NDP: variants seen among roughly 807,000 people sequenced by gnomAD.
NDP encodes the protein norrin.
NDP carries 2 observed loss-of-function variants against 8.4 expected under a neutral mutation model. That is an observed-to-expected ratio of 0.24 (90% CI 0.10 to 0.75). The LOEUF is 0.75. Among genes scored for constraint, NDP ranks in the 30% least tolerant of loss-of-function variants. The pLI is 0.73. For synonymous variants in NDP, 55 were observed against 45.6 expected, an observed-to-expected ratio of 1.21 and a Z score of -0.83; for missense variants, 81 against 110.1, an observed-to-expected ratio of 0.74 and a Z score of 1.18.
At chrX:43,952,601 G>C (rs764018664) in intron 2 of NDP, among the ~76,000 whole-genome samples, 2 of 111,712 alleles carry the variant, frequency 1.8e-5, no homozygotes, top group African/African-American at 3.3e-5. Flanking sequence ...AGGGCCATTT[G>C]TAAATGAGCT....
At chrX:43,964,718 C>A (rs1181517668) in intron 1 of NDP, among the ~76,000 whole-genome samples, 4 of 111,985 alleles carry the variant, frequency 3.6e-5, no homozygotes, top group African/African-American at 1.3e-4. Flanking sequence ...CTGAGTCCTA[C>A]CCTCCCATCA....
chrX:43,966,197 G>A (rs1309398556), intron 1 of NDP, among the ~76,000 whole-genome samples: 1 of 111,631 alleles, frequency 9.0e-6, no homozygotes, highest in African/African-American at 3.3e-5. Context: ...ACTGAGATGG[G>A]GATGAGCTGT....
intron 2 of NDP, among the ~76,000 whole-genome samples, chrX:43,952,597 A>G (rs1303917455): frequency 8.9e-6 from 1 of 111,749 alleles, no homozygotes; most frequent in Non-Finnish European, 1.9e-5. Flanking sequence ...GCGTAGGGCC[A>G]TTTGTAAATG....
Position 43,949,580 on chromosome X carries a change from G to T in NDP, c.*219C>A. On this transcript the variant is annotated 3_prime_UTR_variant, in exon 3 of 3. Transcript: ENST00000642620. The stretch of plus-strand genomic sequence containing the variant: ...GCCTGAATCTGAAAATGAACCAAAA[G>T]AAATTGTACCAGAGAAAGGAGATGG... 2.3e-6 allele frequency: 1 copy of T among 431,693 alleles called. No homozygotes were observed. The highest frequency in any genetic ancestry group is 3.8e-5 in the East Asian group (1 of 26,055). The allele number at this position is 431,693 out of a possible 1,213,427, so 35.6% of individuals were successfully genotyped here.
chrX:43,968,547 C>A (rs907044308), intron 1 of NDP, among the ~76,000 whole-genome samples: 1 of 112,509 alleles, frequency 8.9e-6, no homozygotes, highest in African/African-American at 3.2e-5. Context: ...TGAAATTAAA[C>A]ACAGAAGTTC....
intron 2 of NDP, among the ~76,000 whole-genome samples, chrX:43,951,511 A>G (rs989567129): frequency 8.9e-6 from 1 of 112,071 alleles, no homozygotes; most frequent in African/African-American, 3.2e-5. Flanking sequence ...AGATTAAAAG[A>G]TACATATATA....
At chrX:43,955,378 G>T (rs1312004043) in intron 2 of NDP, among the ~76,000 whole-genome samples, 1 of 111,903 alleles carries the variant, frequency 8.9e-6, no homozygotes, top group African/African-American at 3.3e-5. Context: ...GCTCTATTTT[G>T]CATGGGAAGA....
At position 43,949,833 on chromosome X, in the gene NDP, A is replaced by T; in HGVS notation, c.368T>A (p.Ile123Asn). 8.4e-7 allele frequency: 1 copy of T among 1,185,019 alleles called. No individual in the cohort carries two copies. The highest frequency in any genetic ancestry group is 1.1e-6 in the Non-Finnish European group (1 of 882,003). The change falls in exon 3 of 3, where the codon ATC becomes AAC. Residue 123 changes from isoleucine (I) to asparagine (N), a missense_variant. Physicochemically the swap from Ile to Asn is moderately radical, Grantham distance 149. Coordinates refer to ENST00000642620, the MANE Select transcript of NDP (RefSeq NM_000266.4). ...GCATTCCTCGCAGTGACAGGAGAGG[A>T]TGTACCGGTAGGTGGCAGTGAGTCG... The part of the protein sequence containing the change: ...GMRLTATYRY[I>N]LSCHCEECNS
chrX:43,969,928 C>T (rs1173113689), intron 1 of NDP, among the ~76,000 whole-genome samples: 1 of 111,838 alleles, frequency 8.9e-6, no homozygotes, highest in Non-Finnish European at 1.9e-5. Flanking sequence ...GGAGGAAGGA[C>T]TTGCAGGAAA....
chrX:43,967,982 T>A (rs2035868424), intron 1 of NDP, among the ~76,000 whole-genome samples: 2 of 111,742 alleles, frequency 1.8e-5, no homozygotes, highest in African/African-American at 6.5e-5. Flanking sequence ...ATGTTATCTG[T>A]TGCAAATCTT....
chrX:43,967,763 G>A (rs1192273420), intron 1 of NDP, among the ~76,000 whole-genome samples: 1 of 111,141 alleles, frequency 9.0e-6, no homozygotes, highest in African/African-American at 3.3e-5. Flanking sequence ...TGGCACTGTA[G>A]AAAGGCCACC....
At position 43,949,921 on chromosome X, in the gene NDP, G is replaced by A. The variant is rs888568881; in HGVS notation, c.280C>T (p.His94Tyr). 1.4e-5 allele frequency: 17 copies of A among 1,206,260 alleles called. No individual in the cohort carries two copies. Among genetic ancestry groups the A allele is most frequent in the Non-Finnish European group, 1.7e-5 (15 of 892,861 alleles). The change falls in exon 3 of 3, where the codon CAC (histidine) becomes TAC (tyrosine). Residue 94 changes from histidine (H) to tyrosine (Y), a missense_variant. His to Tyr is a moderately conservative substitution (Grantham distance 83). Coordinates refer to ENST00000642620, the MANE Select transcript of NDP (RefSeq NM_000266.4). ...VLKQPFRSSC[H>Y]CCRPQTSKLK... is the part of the protein sequence containing the mutation. ...TTGGAAGTCTGGGGCCGGCAGCAGT[G>A]ACAGGAGGAACGGAAGGGTTGCTTG...
At chrX:43,953,835 T>C (rs1285017480) in intron 2 of NDP, among the ~76,000 whole-genome samples, 1 of 112,867 alleles carries the variant, frequency 8.9e-6, no homozygotes, top group African/African-American at 3.2e-5. Flanking sequence ...CTCAAGCATA[T>C]GCCAACTCAC....
In NDP at chrX:43,949,912, G is replaced by A. The variant is rs1476147126; in HGVS notation, c.289C>T (p.Arg97Trp). 6 of 1,201,967 alleles carry A rather than the reference G, an allele frequency of 5.0e-6. No individual in the cohort carries two copies. The highest frequency in any genetic ancestry group is 5.6e-6 in the Non-Finnish European group (5 of 891,411). The change falls in exon 3 of 3, where the codon CGG becomes TGG. Residue 97 changes from arginine to tryptophan, a missense_variant. Transcript: ENST00000642620. ...GCCTTCAGCTTGGAAGTCTGGGGCCGGCAGCAGTGACAGGAGGAACGGAAG... is the reference window on the plus strand; with the variant it reads ...GCCTTCAGCTTGGAAGTCTGGGGCCAGCAGCAGTGACAGGAGGAACGGAAG... ...QPFRSSCHCC[R>W]PQTSKLKALR...
At chrX:43,960,625 G>T (rs974197948) in intron 1 of NDP, among the ~76,000 whole-genome samples, 10 of 112,254 alleles carry the variant, frequency 8.9e-5, no homozygotes, top group Admixed American at 7.5e-4. Flanking sequence ...AACTCAAAGA[G>T]CCAGAACTTT....
intron 1 of NDP, among the ~76,000 whole-genome samples, chrX:43,962,883 C>G (rs989666128): frequency 3.6e-5 from 4 of 112,173 alleles, no homozygotes; most frequent in Non-Finnish European, 7.5e-5. Flanking sequence ...GATTTCCCCA[C>G]CTGTCATCCT....
At chrX:43,964,522 C>A (rs1459810782) in intron 1 of NDP, among the ~76,000 whole-genome samples, 1 of 110,284 alleles carries the variant, frequency 9.1e-6, no homozygotes, top group Non-Finnish European at 1.9e-5. Context: ...CTTTTTTTTT[C>A]AGGCATTGTC....
rs1351729523 is a variant in NDP at position 43,958,460 on chromosome X, C to T, written c.174+12G>A. On this transcript the variant is annotated intron_variant, in intron 2 of 2. Transcript: ENST00000642620. ...GAGGGAAATGCTCTCCTCACAGAGA[C>T]CTTGGTCTTACCTTTGAGCTACACT... The T allele has an allele frequency of 3.3e-6, 4 of 1,207,231 alleles. No individual in the cohort carries two copies. The highest frequency in any genetic ancestry group is 4.5e-6 in the Non-Finnish European group (4 of 892,262).
At chrX:43,956,979 G>A (rs762052737) in intron 2 of NDP, among the ~76,000 whole-genome samples, 1 of 111,871 alleles carries the variant, frequency 8.9e-6, no homozygotes, top group South Asian at 3.7e-4. Flanking sequence ...TTTCCAGATT[G>A]TTTTCTAGTT....
Sources: gnomAD v4.1 joint callset for allele counts (sites outside exome capture counted in the v4.1 genomes callset) on GRCh38, gnomAD v4.1.1 for gene constraint, MANE v1.5 for transcripts, NCBI Gene and HGNC (gene_info 2026-07-23, HGNC 2026-07-21) for gene names.